SORBS2: variants seen among roughly 807,000 people sequenced by gnomAD.
SORBS2 encodes the protein sorbin and SH3 domain-containing protein 2.
SORBS2 carries 46 observed loss-of-function variants against 97.7 expected under a neutral mutation model. That is an observed-to-expected ratio of 0.47 (90% CI 0.37 to 0.60). The LOEUF is 0.60. SORBS2 is among the 20% of genes least tolerant of loss of function. The probability of loss-of-function intolerance (pLI) is 0.00; values close to 1 mark genes in which losing one functional copy is unlikely to be tolerated. For missense variants in SORBS2, 1,316 were observed against 1,282.3 expected (o/e 1.03, Z -0.40); for synonymous variants, 476 against 473.4 (o/e 1.01, Z -0.07).
At chr4:185,942,392 T>C (rs114448333) in intron 1 of SORBS2, among the ~76,000 whole-genome samples, 19,145 of 150,982 alleles carry the variant, frequency 0.13, 1,489 homozygotes, top group Middle Eastern at 0.25. Context: ...ACTTTGTCAC[T>C]CAGTCTGGAG....
intron 1 of SORBS2, among the ~76,000 whole-genome samples, chr4:185,911,556 C>T (rs2099255108): frequency 6.6e-6 from 1 of 152,122 alleles, no homozygotes; most frequent in African/African-American, 2.4e-5. Context: ...AAGTTTCCCT[C>T]TTGGTGGATA....
intron 2 of SORBS2, among the ~76,000 whole-genome samples, chr4:185,696,582 T>G (rs1339176577): frequency 6.6e-6 from 1 of 151,986 alleles, no homozygotes; most frequent in Non-Finnish European, 1.5e-5. Flanking sequence ...GCCTCCCGAG[T>G]AGCTGGGATT....
chr4:185,923,538 A>G (rs2149932489), intron 1 of SORBS2, among the ~76,000 whole-genome samples: 1 of 142,598 alleles, frequency 7.0e-6, no homozygotes, highest in South Asian at 2.2e-4. Flanking sequence ...TCCTGGCCTC[A>G]AGCAATCTTC....
At chr4:185,633,255 T>C (rs886132134) in intron 4 of SORBS2, among the ~76,000 whole-genome samples, 4 of 152,300 alleles carry the variant, frequency 2.6e-5, no homozygotes, top group Admixed American at 1.3e-4. Flanking sequence ...GTCTAATCAA[T>C]TACATTTGTT....
In SORBS2 at chr4:185,887,074, C is replaced by G. The variant is rs113954733; in HGVS notation, c.-338+69122G>C. ...TTGCAGCACACTTGAGTTGCACAAA[C>G]AGCCTGGGCAGCTGTCTGCGGGGAA... is the stretch of plus-strand genomic sequence containing the variant. On this transcript the variant is annotated intron_variant, in intron 1 of 20. Transcript: ENST00000284776. Among the ~76,000 whole-genome samples, 802 of 152,304 alleles carry G rather than the reference C, an allele frequency of 5.3e-3. 1 individual carries two copies. The highest frequency in any genetic ancestry group is 9.2e-3 in the Non-Finnish European group (629 of 68,026).
intron 2 of SORBS2, among the ~76,000 whole-genome samples, chr4:185,748,861 T>A (rs1257928270): frequency 2.0e-5 from 3 of 152,184 alleles, no homozygotes; most frequent in African/African-American, 2.4e-5. Context: ...CATTTATTGA[T>A]GAGCTTCTGT....
chr4:185,618,923 C>T (rs1367562113), intron 8 of SORBS2, among the ~76,000 whole-genome samples: 1 of 152,166 alleles, frequency 6.6e-6, no homozygotes, highest in Non-Finnish European at 1.5e-5. Context: ...TCCTAGGCAT[C>T]ATTTTGGCTG....
intron 2 of SORBS2, among the ~76,000 whole-genome samples, chr4:185,724,851 T>G (rs1028688077): frequency 6.6e-6 from 1 of 152,320 alleles, no homozygotes; most frequent in African/African-American, 2.4e-5. Context: ...TGATTATTCT[T>G]TGTTTCTGTG....
chr4:185,875,770 T>C (rs114742303), intron 1 of SORBS2, among the ~76,000 whole-genome samples: 2,494 of 152,362 alleles, frequency 0.016, 57 homozygotes, highest in Admixed American at 0.051. Flanking sequence ...TAACTACACA[T>C]GACACACATA....
rs113103013 is a variant in SORBS2, at chr4:185,681,076, T to A, written c.-197-2254A>T. Among the ~76,000 whole-genome samples, 770 of 152,134 alleles carry A rather than the reference T, an allele frequency of 5.1e-3. 1 individual carries two copies. Among genetic ancestry groups the A allele is most frequent in the Non-Finnish European group, 8.4e-3 (569 of 67,996 alleles). On this transcript the variant is annotated intron_variant, in intron 2 of 20. Coordinates refer to the SORBS2 transcript ENST00000284776. ...TGCAGAATTAAGAGAAAGGAGAAAA[T>A]GGCCATTGAGTCGAACTTCAGGATG...
chr4:185,893,866 A>G (rs1186014134), intron 1 of SORBS2, among the ~76,000 whole-genome samples: 1 of 152,170 alleles, frequency 6.6e-6, no homozygotes, highest in Non-Finnish European at 1.5e-5. Context: ...GCAGATGGGA[A>G]TGGGGTAAAA....
chr4:185,888,530 G>A (rs892174528), intron 1 of SORBS2, among the ~76,000 whole-genome samples: 4 of 152,212 alleles, frequency 2.6e-5, no homozygotes, highest in Admixed American at 1.3e-4. Flanking sequence ...AAATGTGTGA[G>A]AATAATTTCT....
At chr4:185,914,355 A>G (rs987889038) in intron 1 of SORBS2, among the ~76,000 whole-genome samples, 7 of 152,238 alleles carry the variant, frequency 4.6e-5, no homozygotes, top group Non-Finnish European at 8.8e-5. Flanking sequence ...AATTTGTTAC[A>G]GTAGCATTTC....
At chr4:185,898,858 C>T (rs190332795) in intron 1 of SORBS2, among the ~76,000 whole-genome samples, 6 of 152,228 alleles carry the variant, frequency 3.9e-5, no homozygotes, top group Middle Eastern at 3.4e-3. Flanking sequence ...ATCTAAAAGG[C>T]GATTATGCTA....
chr4:185,780,803 T>C (rs114998919), intron 1 of SORBS2, among the ~76,000 whole-genome samples: 20 of 152,360 alleles, frequency 1.3e-4, no homozygotes, highest in Non-Finnish European at 2.2e-4. Flanking sequence ...TTGAGGTTTA[T>C]CAAGTGAGGT....
intron 1 of SORBS2, among the ~76,000 whole-genome samples, chr4:185,955,139 C>G (rs1421506418): frequency 6.6e-6 from 1 of 152,118 alleles, no homozygotes; most frequent in African/African-American, 2.4e-5. Context: ...TTTAACATTT[C>G]AATGGGCCAT....
intron 1 of SORBS2, among the ~76,000 whole-genome samples, chr4:185,952,655 C>T (rs868229636): frequency 1.3e-5 from 2 of 152,182 alleles, no homozygotes; most frequent in African/African-American, 4.8e-5. Context: ...GAGGCTGTAT[C>T]GTTCTTTGTT....
intron 7 of SORBS2, among the ~76,000 whole-genome samples, chr4:185,621,250 T>G (rs2096715275): frequency 6.6e-6 from 1 of 152,224 alleles, no homozygotes; most frequent in African/African-American, 2.4e-5. Context: ...AAATTCTAAG[T>G]TAATATACTT....
intron 4 of SORBS2, among the ~76,000 whole-genome samples, chr4:185,639,445 GTGT>G (rs1242289554): frequency 1.3e-5 from 2 of 152,176 alleles, no homozygotes; most frequent in Non-Finnish European, 2.9e-5. Context: ...AAAACTAGCA[GTGT>G]TAATATAAAC....
Sources: gnomAD v4.1 joint callset for allele counts (sites outside exome capture counted in the v4.1 genomes callset) on GRCh38, gnomAD v4.1.1 for gene constraint, MANE v1.5 for transcripts, NCBI Gene and HGNC (gene_info 2026-07-23, HGNC 2026-07-21) for gene names.